TGFBRAP1: variants seen among roughly 807,000 people sequenced by gnomAD.
TGFBRAP1 encodes transforming growth factor-beta receptor-associated protein 1.
A neutral mutation model predicts 83.2 loss-of-function variants in TGFBRAP1; 20 were observed. That is an observed-to-expected ratio of 0.24 (90% confidence interval 0.17 to 0.35). The LOEUF is 0.35. TGFBRAP1 is among the 10% of genes least tolerant of loss of function. The pLI, the probability that TGFBRAP1 is intolerant of heterozygous loss-of-function variation, is 1.00. For synonymous variants in TGFBRAP1, 415 were observed against 459.8 expected (o/e 0.90, Z 1.25); for missense variants, 950 against 1,099.4 (o/e 0.86, Z 1.92).
chr2:105,288,993 T>C (rs568073713), intron 4 of TGFBRAP1, among the ~76,000 whole-genome samples: 164 of 152,232 alleles, frequency 1.1e-3, no homozygotes, highest in African/African-American at 3.7e-3. Context: ...CCTTCCAAAA[T>C]AGAATCTTCT....
chr2:105,258,767 ACACACACT>A, the TGFBRAP1 span, among the ~76,000 whole-genome samples: 1 of 128,884 alleles, frequency 7.8e-6, no homozygotes, highest in Admixed American at 7.9e-5. Context: ...ACACACACAC[ACACACACT>A]GTCTCTCTCT....
chr2:105,299,243 T>C (rs550326772), intron 2 of TGFBRAP1, among the ~76,000 whole-genome samples: 14 of 152,248 alleles, frequency 9.2e-5, no homozygotes, highest in Admixed American at 7.2e-4. Flanking sequence ...ATCACGCCAC[T>C]GTACTCCAGC....
chr2:105,306,897 A>C (rs1678518577), intron 2 of TGFBRAP1, among the ~76,000 whole-genome samples: 1 of 151,824 alleles, frequency 6.6e-6, no homozygotes, highest in South Asian at 2.1e-4. Flanking sequence ...AGGTGCAGTA[A>C]GTATGGACCT....
chr2:105,271,243 T>C (rs1332888182), intron 10 of TGFBRAP1, among the ~76,000 whole-genome samples: 1 of 152,212 alleles, frequency 6.6e-6, no homozygotes, highest in Non-Finnish European at 1.5e-5. Context: ...TCATCCATCT[T>C]TGTATCCTCA....
intron 6 of TGFBRAP1, 131 bp from the exon 7 acceptor site, chr2:105,277,802 C>T: frequency 2.2e-6 from 2 of 919,712 alleles, no homozygotes; most frequent in Non-Finnish European, 3.5e-6. Flanking sequence ...GCCTGTAATC[C>T]CAACACTTTG....
chr2:105,290,587 AAGAG>A (rs1677872251), intron 4 of TGFBRAP1, among the ~76,000 whole-genome samples: 1 of 129,264 alleles, frequency 7.7e-6, no homozygotes, highest in African/African-American at 2.9e-5. Flanking sequence ...GAGAGAGAGA[AAGAG>A]AGAGAAAGAG....
At chr2:105,282,080 G>C (rs544785361) in intron 5 of TGFBRAP1, among the ~76,000 whole-genome samples, 169 of 152,294 alleles carry the variant, frequency 1.1e-3, no homozygotes, top group African/African-American at 4.0e-3. Context: ...GACGAATCCA[G>C]GGAAGATTCC....
rs374384909 is a variant in TGFBRAP1 at position 105,307,843 on chromosome 2, C to G, written c.459G>C (p.Val153=). 1 of 1,614,230 alleles carries G rather than the reference C, an allele frequency of 6.2e-7. No individual in the cohort carries two copies. Among genetic ancestry groups the G allele is most frequent in the Non-Finnish European group, 8.5e-7 (1 of 1,180,050 alleles). Residue 153 remains valine, a synonymous_variant, in exon 2 of 12, where the codon GTG becomes GTC. Coordinates refer to ENST00000393359, the MANE Select transcript of TGFBRAP1 (RefSeq NM_004257.6). ...VKRRTIQMFL[V]YEDRVQIVKE... ...TGACGATCTGCACCCGGTCCTCGTA[C>G]ACCAGAAACATCTGGATGGTTCTGC...
At chr2:105,283,141 G>T (rs766513554) in intron 5 of TGFBRAP1, among the ~76,000 whole-genome samples, 1 of 152,192 alleles carries the variant, frequency 6.6e-6, no homozygotes, top group South Asian at 2.1e-4. Context: ...TAGGTCCAAA[G>T]GGGCAAAAAA....
chr2:105,262,491 T>C (rs1247988254), downstream of TGFBRAP1, among the ~76,000 whole-genome samples: 3 of 152,196 alleles, frequency 2.0e-5, no homozygotes, highest in South Asian at 4.1e-4. Context: ...GTACAGCCTG[T>C]AGAACAATGA....
chr2:105,273,138 C>T, intron 9 of TGFBRAP1, 124 bp from the exon 10 acceptor site: 5 of 1,228,794 alleles, frequency 4.1e-6, no homozygotes, highest in Non-Finnish European at 5.6e-6. Flanking sequence ...CAGATGCTCA[C>T]TTGCTGGATC....
At chr2:105,260,054 A>G (rs556140313), downstream of TGFBRAP1, among the ~76,000 whole-genome samples, 8 of 152,222 alleles carry the variant, frequency 5.3e-5, no homozygotes, top group South Asian at 1.7e-3. Context: ...ATGCACATAC[A>G]CTCTTGGTGA....
Position 105,280,739 on chromosome 2 carries a change from CA to C in TGFBRAP1, c.1122-17del. ...CTGGCCGCTTCTGCAATTACAGTGT[CA>C]AACTAAATGAAGCAAAAAGAGAGAA... On this transcript the variant is annotated splice_polypyrimidine_tract_variant and intron_variant, in intron 5 of 11. Coordinates refer to ENST00000393359, the MANE Select transcript of TGFBRAP1 (RefSeq NM_004257.6). The C allele has an allele frequency of 3.1e-6, 5 of 1,604,374 alleles. No individual in the cohort carries two copies. The highest frequency in any genetic ancestry group is 4.3e-6 in the Non-Finnish European group (5 of 1,174,768).
At chr2:105,261,676 C>T (rs906743715), downstream of TGFBRAP1, among the ~76,000 whole-genome samples, 7 of 152,118 alleles carry the variant, frequency 4.6e-5, no homozygotes, top group African/African-American at 1.7e-4. Flanking sequence ...CGCTTGAACC[C>T]GGGAGGTAGA....
In TGFBRAP1 at chr2:105,273,008, C is replaced by T. The variant is rs1403193897; in HGVS notation, c.1819G>A (p.Glu607Lys). ...AGCACAGCTAAGTGGGTGTGATACT[C>T]TTCTTTCTGCAGGAAACAGGGGGAG... is the stretch of plus-strand genomic sequence containing the variant. ...LVIDKRLQKE[E>K]YHTHLAVLYL... Residue 607 changes from glutamate (E) to lysine (K), a missense_variant, in exon 10 of 12, where the codon GAG becomes AAG. Transcript: ENST00000393359. 2.5e-6 allele frequency: 4 copies of T among 1,609,782 alleles called. No individual in the cohort carries two copies. In the South Asian group the frequency reaches 4.4e-5, roughly 18 times the overall value.
intron 2 of TGFBRAP1, among the ~76,000 whole-genome samples, chr2:105,299,369 C>T (rs975218247): frequency 2.0e-5 from 3 of 152,044 alleles, no homozygotes; most frequent in South Asian, 2.1e-4. Context: ...TGTGTCCTCA[C>T]GTGAGGACAA....
chr2:105,271,134 C>T (rs1337359609), intron 10 of TGFBRAP1, among the ~76,000 whole-genome samples: 1 of 152,208 alleles, frequency 6.6e-6, no homozygotes, highest in Non-Finnish European at 1.5e-5. Flanking sequence ...CCCTCCACCC[C>T]AAGGCACAGC....
In TGFBRAP1 at chr2:105,275,701, C is replaced by T. The variant is rs2104323387; in HGVS notation, c.1524G>A (p.Leu508=). ...YNNQDAAAVQ[L]WVNIVNGDVQ... Reference sequence around the variant, plus strand: ...CATCGCCATTCACAATGTTCACCCACAACTGGAAAGGAATCAAAAAGAAAA... The same window carrying T: ...CATCGCCATTCACAATGTTCACCCATAACTGGAAAGGAATCAAAAAGAAAA... The change falls in exon 8 of 12, where the codon TTG becomes TTA. Residue 508 remains leucine, a splice_region_variant and synonymous_variant. Transcript: ENST00000393359. 1 of 1,596,898 alleles carries T rather than the reference C, an allele frequency of 6.3e-7. No individual in the cohort carries two copies. The highest frequency in any genetic ancestry group is 2.2e-5 in the East Asian group (1 of 44,540).
chr2:105,275,387 T>G (rs1465973555), intron 8 of TGFBRAP1, among the ~76,000 whole-genome samples, 173 bp downstream of exon 8: 1 of 152,182 alleles, frequency 6.6e-6, no homozygotes, highest in East Asian at 1.9e-4. Context: ...GCCCTAGAGC[T>G]AGAATCCAGA....
Sources: gnomAD v4.1 joint callset for allele counts (sites outside exome capture counted in the v4.1 genomes callset) on GRCh38, gnomAD v4.1.1 for gene constraint, MANE v1.5 for transcripts, NCBI Gene and HGNC (gene_info 2026-07-23, HGNC 2026-07-21) for gene names.